Variants in NECTIN4 observed in about 807,000 individuals in gnomAD.
The protein encoded by NECTIN4 is nectin cell adhesion molecule 4.
A neutral mutation model predicts 51.7 loss-of-function variants in NECTIN4; 19 were observed. The observed-to-expected ratio is 0.37, with a 90% CI of 0.26 to 0.54. The LOEUF (loss-of-function observed/expected upper bound fraction) is 0.54, where lower values mean the gene tolerates loss of function less well. NECTIN4 is among the 20% of genes least tolerant of loss of function. NECTIN4 has a pLI of 0.86. For synonymous variants in NECTIN4, 283 were observed against 286.9 expected, an observed-to-expected ratio of 0.99 and a Z score of 0.14; for missense variants, 619 against 662.4, an observed-to-expected ratio of 0.93 and a Z score of 0.72.
rs138945683 is a variant in NECTIN4 at position 161,078,270 on chromosome 1, T to C, written c.440-527A>G. 4.2e-3 allele frequency among the ~76,000 whole-genome samples: 621 copies of C among 148,026 alleles called. 5 individuals carry two copies. Among genetic ancestry groups the C allele is most frequent in the Admixed American group, 0.015 (219 of 14,712 alleles). On this transcript the variant is annotated intron_variant, in intron 2 of 8. Transcript: ENST00000368012. ...AACTTATATGTGAATAAAGGGAAAC[T>C]ATAAAAACCTTTATTTTATGTATTT...
intron 1 of NECTIN4, 133 bp from the exon 2 acceptor site, chr1:161,080,082 A>G (rs543584159): frequency 1.9e-6 from 2 of 1,078,192 alleles, no homozygotes; most frequent in African/African-American, 1.6e-5. Context: ...CATTCAGTTC[A>G]TTACCTTATT....
Position 161,083,391 on chromosome 1 carries a change from C to G in NECTIN4, c.80-3442G>C, listed in dbSNP as rs374497302. 5.9e-5 allele frequency among the ~76,000 whole-genome samples: 9 copies of G among 152,298 alleles called. No homozygotes were observed. The East Asian group carries it at 1.4e-3, about 23-fold the overall frequency. On this transcript the variant is annotated intron_variant, in intron 1 of 8. Transcript: ENST00000368012. ...CCAGGGCAGGCCAGGACTGCCTCCT[C>G]CTTCTCTCCTCCACCCAGTGTCAGC...
Position 161,071,606 on chromosome 1 carries a change from A to G in NECTIN4, c.*1055T>C, listed in dbSNP as rs1420286610. 1 of 152,164 alleles carries G rather than the reference A, an allele frequency of 6.6e-6. No homozygotes were observed. The highest frequency in any genetic ancestry group is 2.4e-5 in the African/African-American group (1 of 41,426). The allele number at this position is 152,164 out of a possible 1,614,324, so 9.4% of individuals were successfully genotyped here. On this transcript the variant is annotated 3_prime_UTR_variant, in exon 9 of 9. Coordinates refer to ENST00000368012, the MANE Select transcript of NECTIN4 (RefSeq NM_030916.3). Reference sequence around the variant, plus strand: ...TGCCTTGGAAGTAGCCCCTTTCACAATCACAGGAATTAACCCCCTGGTGTT... The same window carrying G: ...TGCCTTGGAAGTAGCCCCTTTCACAGTCACAGGAATTAACCCCCTGGTGTT...
chr1:161,079,533 C>T, intron 2 of NECTIN4, 57 bp downstream of exon 2: 1 of 1,592,660 alleles, frequency 6.3e-7, no homozygotes, highest in Non-Finnish European at 8.5e-7. Context: ...CAGTCCCCAT[C>T]TCTGCTTCCC....
chr1:161,084,627 T>C (rs1172019403), intron 1 of NECTIN4: 2 of 152,140 alleles, frequency 1.3e-5, no homozygotes, highest in African/African-American at 4.8e-5. Context: ...ACAAAACAAA[T>C]GTTCCCTCTC....
chr1:161,076,276 T>C, intron 4 of NECTIN4, 79 bp downstream of exon 4: 2 of 1,537,682 alleles, frequency 1.3e-6, no homozygotes, highest in Non-Finnish European at 1.8e-6. Flanking sequence ...TGTTGTCCCA[T>C]TCCATAGTGG....
intron 3 of NECTIN4, 29 bp downstream of exon 3, chr1:161,077,424 C>T (rs775742341): frequency 6.2e-7 from 1 of 1,613,020 alleles, no homozygotes; most frequent in Non-Finnish European, 8.5e-7. Flanking sequence ...ACCCCTTGGG[C>T]CTCCCTACCC....
intron 1 of NECTIN4, among the ~76,000 whole-genome samples, chr1:161,086,592 G>A (rs1481449398): frequency 6.6e-6 from 1 of 152,216 alleles, no homozygotes; most frequent in Non-Finnish European, 1.5e-5. Context: ...ATCCTAATGG[G>A]GGGAGGGGTG....
At chr1:161,073,017 G>A (rs1653246621) in intron 8 of NECTIN4, 132 bp from the exon 9 acceptor site, 7 of 988,498 alleles carry the variant, frequency 7.1e-6, no homozygotes, top group Admixed American at 2.0e-5. Flanking sequence ...AAGCATAGGG[G>A]CCCAGAGATC....
chr1:161,082,268 C>A (rs1653713334), intron 1 of NECTIN4, among the ~76,000 whole-genome samples: 1 of 152,028 alleles, frequency 6.6e-6, no homozygotes, highest in Non-Finnish European at 1.5e-5. Flanking sequence ...GTGGAGGTTG[C>A]AGTGAGCTAA....
intron 4 of NECTIN4, among the ~76,000 whole-genome samples, chr1:161,076,085 T>C (rs1230286946): frequency 6.6e-6 from 1 of 152,074 alleles, no homozygotes; most frequent in African/African-American, 2.4e-5. Flanking sequence ...AAAACTAAAA[T>C]AAATAAAATA....
intron 2 of NECTIN4, 71 bp downstream of exon 2, chr1:161,079,519 T>G: frequency 6.4e-7 from 1 of 1,574,326 alleles, no homozygotes. Flanking sequence ...CCCATCCATC[T>G]CTGCAGTCCC....
intron 2 of NECTIN4, among the ~76,000 whole-genome samples, chr1:161,078,528 G>C (rs961796510): frequency 3.4e-4 from 51 of 151,758 alleles, no homozygotes; most frequent in African/African-American, 1.1e-3. Flanking sequence ...GGCTGGTCTC[G>C]AACTCCTGAC....
rs778073888 is a variant in NECTIN4 at position 161,076,437 on chromosome 1, T to G, written c.769A>C (p.Asn257His). ...EASVRGLEDQ[N>H]LWHIGREGAM... is the part of the protein sequence containing the mutation. ...CCTTCTCTGCCAATGTGCCACAGAT[T>G]TTGGTCTTCAAGGCCCCTCACAGAG... The change falls in exon 4 of 9, where the codon AAT becomes CAT. Residue 257 changes from asparagine to histidine, a missense_variant. Asn to His is a moderately conservative substitution (Grantham distance 68, BLOSUM62 1). Around this residue, in one of 3 missense-constraint regions of NECTIN4, gnomAD observed 364 missense variants for 415.7 expected, o/e 0.88. Coordinates refer to ENST00000368012, the MANE Select transcript of NECTIN4 (RefSeq NM_030916.3). 2 of 1,614,150 alleles carry G rather than the reference T, an allele frequency of 1.2e-6. No homozygotes were observed. Among genetic ancestry groups the G allele is most frequent in the Non-Finnish European group, 1.7e-6 (2 of 1,180,002 alleles).
chr1:161,079,694 A>G lies in NECTIN4; in HGVS notation c.335T>C (p.Val112Ala). 1.2e-6 allele frequency: 2 copies of G among 1,608,218 alleles called. No homozygotes were observed. Among genetic ancestry groups the G allele is most frequent in the South Asian group, 2.2e-5 (2 of 91,026 alleles). ...PPPRNPLDGS[V>A]LLRNAVQADE... is the part of the protein sequence containing the mutation. ...CGCCTGCACTGCGTTGCGCAGGAGC[A>G]CTGAGCCGTCCAGGGGGTTGCGTGG... The change falls in exon 2 of 9, where the codon GTG becomes GCG. Residue 112 changes from valine to alanine, a missense_variant. By Grantham distance (64) the Val-to-Ala change is moderately conservative. Around this residue, in one of 3 missense-constraint regions of NECTIN4, gnomAD observed 218 missense variants for 186.3 expected, o/e 1.17. Transcript: ENST00000368012.
intron 1 of NECTIN4, among the ~76,000 whole-genome samples, chr1:161,088,175 T>A (rs1373735704): frequency 2.6e-5 from 4 of 152,068 alleles, no homozygotes; most frequent in African/African-American, 9.7e-5. Context: ...AGGCCTTATT[T>A]CCCTCCTCAA....
intron 2 of NECTIN4, among the ~76,000 whole-genome samples, chr1:161,078,096 CAG>C (rs1653501672): frequency 6.6e-6 from 1 of 152,054 alleles, no homozygotes; most frequent in Non-Finnish European, 1.5e-5. Context: ...TGTCAACAAA[CAG>C]TGAGTTAGGT....
chr1:161,080,161 C>T (rs753450951), intron 1 of NECTIN4, among the ~76,000 whole-genome samples: 32 of 152,262 alleles, frequency 2.1e-4, no homozygotes, highest in African/African-American at 7.2e-4. Flanking sequence ...GAAACTGAGA[C>T]CCAGAGAGAG....
chr1:161,076,608 G>T, intron 3 of NECTIN4, 133 bp from the exon 4 acceptor site: 1 of 1,234,182 alleles, frequency 8.1e-7, no homozygotes, highest in South Asian at 1.2e-5. Context: ...CTCATCTGCT[G>T]CCAAACCTAG....
Sources: gnomAD v4.1 joint callset for allele counts (sites outside exome capture counted in the v4.1 genomes callset) on GRCh38, gnomAD v4.1.1 for gene constraint, gnomAD v4.1.1 regional missense constraint, MANE v1.5 for transcripts, NCBI Gene and HGNC (gene_info 2026-07-23, HGNC 2026-07-21) for gene names.